The following NAV2 variants were observed in gnomAD, a reference collection of about 807,000 sequenced individuals.
NAV2 encodes neuron navigator 2, also known as helicase, APC down-regulated 1.
In NAV2, 54 loss-of-function variants were observed where a neutral mutation model predicts 223.2. That is an observed-to-expected ratio of 0.24 (90% CI 0.19 to 0.30). NAV2 has a LOEUF of 0.30. Among genes scored for constraint, NAV2 ranks in the 10% least tolerant of loss-of-function variants. The pLI is 1.00. For missense variants in NAV2, 2,806 were observed against 3,147.5 expected, an observed-to-expected ratio of 0.89 and a Z score of 2.60; for synonymous variants, 1,279 against 1,239.3, an observed-to-expected ratio of 1.03 and a Z score of -0.67.
chr11:19,949,099 C>T lies in NAV2; in HGVS notation c.2645+19C>T. ...CAAGCGGGTAAGTACCCGGGGCCGC[C>T]CTTTCTCCCAGAGAGAAAGAGGGCT... is the stretch of plus-strand genomic sequence containing the variant. On this transcript the variant is annotated intron_variant, in intron 10 of 37. Coordinates refer to ENST00000349880, the MANE Select transcript of NAV2 (RefSeq NM_145117.5). The T allele has an allele frequency of 5.1e-6, 8 of 1,562,806 alleles. No individual in the cohort carries two copies. Among genetic ancestry groups the T allele is most frequent in the Non-Finnish European group, 6.9e-6 (8 of 1,153,792 alleles).
At chr11:19,736,737 T>A (rs2052339032) in intron 1 of NAV2, among the ~76,000 whole-genome samples, 1 of 152,174 alleles carries the variant, frequency 6.6e-6, no homozygotes, top group African/African-American at 2.4e-5. Flanking sequence ...ACTCATGACA[T>A]CTCTTCCCCC....
chr11:19,611,573 AG>A (rs1202990557), intron 1 of NAV2, among the ~76,000 whole-genome samples: 3 of 152,232 alleles, frequency 2.0e-5, no homozygotes, highest in Admixed American at 2.0e-4. Flanking sequence ...GCCAAAATTA[AG>A]GGGTTACCCA....
chr11:19,472,962 G>A (rs560738481), intron 1 of NAV2, among the ~76,000 whole-genome samples: 37 of 152,168 alleles, frequency 2.4e-4, no homozygotes, highest in Non-Finnish European at 4.7e-4. Flanking sequence ...TGTGCTGCAG[G>A]CCAGCAAGCA....
intron 11 of NAV2, 46 bp downstream of exon 11, chr11:19,984,293 A>T: frequency 6.2e-7 from 1 of 1,606,274 alleles, no homozygotes; most frequent in Non-Finnish European, 8.5e-7. Context: ...AGGTGATCCC[A>T]GGGGGGCCCT....
chr11:20,033,420 A>T (rs1417842526), intron 11 of NAV2, among the ~76,000 whole-genome samples: 1 of 152,204 alleles, frequency 6.6e-6, no homozygotes, highest in Non-Finnish European at 1.5e-5. Context: ...ACTATGTAGG[A>T]ATTTAAAGTA....
At chr11:20,010,787 C>G (rs1320249045) in intron 11 of NAV2, among the ~76,000 whole-genome samples, 2 of 152,174 alleles carry the variant, frequency 1.3e-5, no homozygotes. Flanking sequence ...GGCAGCTGCT[C>G]TTTAGGTAAA....
chr11:20,006,968 T>C (rs896002397), intron 11 of NAV2, among the ~76,000 whole-genome samples: 7 of 152,040 alleles, frequency 4.6e-5, no homozygotes, highest in Admixed American at 1.3e-4. Context: ...TTTTTTTTTT[T>C]CTTTGGAGAC....
chr11:19,464,740 T>C (rs1190101742), intron 1 of NAV2, among the ~76,000 whole-genome samples: 1 of 152,244 alleles, frequency 6.6e-6, no homozygotes, highest in African/African-American at 2.4e-5. Flanking sequence ...AATTTGCTGC[T>C]GTGATTGGAG....
Position 20,024,329 on chromosome 11 carries a change from G to A in NAV2, c.2769-11630G>A, listed in dbSNP as rs184884028. Among the ~76,000 whole-genome samples the A allele has an allele frequency of 2.2e-3, 333 of 152,278 alleles. 1 individual carries two copies. In the Middle Eastern group the frequency reaches 0.034, roughly 16 times the overall value. ...GCTCCGGGGCTGCTGGATTGATCAG[G>A]CTGGAGCTTTAGTTTGTACCTGGTT... On this transcript the variant is annotated intron_variant, in intron 11 of 37. Transcript: ENST00000349880.
At chr11:19,602,357 T>C (rs532699013) in intron 1 of NAV2, among the ~76,000 whole-genome samples, 1 of 152,098 alleles carries the variant, frequency 6.6e-6, no homozygotes, top group East Asian at 1.9e-4. Context: ...TTTGTATTTT[T>C]AGTAGAGATG....
chr11:19,626,140 T>G (rs1357773784), intron 1 of NAV2, among the ~76,000 whole-genome samples: 1 of 152,218 alleles, frequency 6.6e-6, no homozygotes, highest in Non-Finnish European at 1.5e-5. Context: ...TTCCCTTATA[T>G]TTTCTTTGAG....
chr11:19,674,611 T>C (rs2048666264), intron 1 of NAV2, among the ~76,000 whole-genome samples: 1 of 152,228 alleles, frequency 6.6e-6, no homozygotes, highest in South Asian at 2.1e-4. Flanking sequence ...TCAATGGCTA[T>C]GTGTTAACAG....
chr11:20,063,603 G>A (rs769323447), intron 20 of NAV2, among the ~76,000 whole-genome samples: 2 of 152,062 alleles, frequency 1.3e-5, no homozygotes, highest in Non-Finnish European at 2.9e-5. Context: ...TTGAACTCCT[G>A]ACCTCAAGTG....
At chr11:19,926,655 C>CA (rs1378523577) in intron 6 of NAV2, among the ~76,000 whole-genome samples, 11 of 142,870 alleles carry the variant, frequency 7.7e-5, no homozygotes, top group Non-Finnish European at 1.2e-4. Flanking sequence ...AAAAAAAAAA[C>CA]AAAAAAAACT....
chr11:19,778,375 C>T, intron 1 of NAV2: 1 of 455,120 alleles, frequency 2.2e-6, no homozygotes, highest in Non-Finnish European at 4.4e-6. Context: ...AGAACTAGTG[C>T]CAGGATAAGA....
chr11:19,799,671 C>T (rs2058121088), intron 1 of NAV2, among the ~76,000 whole-genome samples: 3 of 152,116 alleles, frequency 2.0e-5, no homozygotes, highest in African/African-American at 7.2e-5. Flanking sequence ...CCAGGACAGT[C>T]CAGCATTTAC....
chr11:20,105,469 TG>T, intron 34 of NAV2, 61 bp from the exon 35 acceptor site: 1 of 1,443,918 alleles, frequency 6.9e-7, no homozygotes, highest in Non-Finnish European at 9.6e-7. Flanking sequence ...CTTTGGTTCC[TG>T]AGGTCAGCCA....
chr11:20,045,657 C>T lies in NAV2; in HGVS notation c.3889C>T (p.Pro1297Ser). Reference protein sequence around the residue: ...PGAKYPDVASPTLRRLFGGKP... With the variant: ...PGAKYPDVASSTLRRLFGGKP... The stretch of plus-strand genomic sequence containing the variant: ...AGCCAAGTACCCAGATGTGGCCTCT[C>T]CCACACTCCGCAGGTAAGTGAGTAC... The change falls in exon 14 of 38, where the codon CCC becomes TCC. Residue 1297 changes from proline to serine, a missense_variant. Coordinates refer to ENST00000349880, the MANE Select transcript of NAV2 (RefSeq NM_145117.5). The T allele has an allele frequency of 1.9e-6, 3 of 1,613,306 alleles. No homozygotes were observed.
chr11:20,058,717 G>A (rs1477076221), intron 19 of NAV2, among the ~76,000 whole-genome samples: 1 of 152,208 alleles, frequency 6.6e-6, no homozygotes, highest in Non-Finnish European at 1.5e-5. Flanking sequence ...TGTTAGCAGT[G>A]TGATTCTGAG....
Sources: allele counts gnomAD v4.1 joint callset (sites outside exome capture counted in the v4.1 genomes callset), GRCh38; gene constraint gnomAD v4.1.1; transcripts MANE v1.5; gene names NCBI Gene and HGNC (gene_info 2026-07-23, HGNC 2026-07-21).